AAK1: variants seen among roughly 807,000 people sequenced by gnomAD.
AAK1 encodes the protein AP2 associated kinase 1, also known as AP2-associated protein kinase 1.
A neutral mutation model predicts 116.0 loss-of-function variants in AAK1; 37 were observed. The observed-to-expected ratio is 0.32, with a 90% CI of 0.25 to 0.42. The LOEUF (loss-of-function observed/expected upper bound fraction) is 0.42. AAK1 is among the 10% of genes least tolerant of loss of function. The pLI is 1.00. For missense variants in AAK1, 919 were observed against 1,170.6 expected (o/e 0.79, Z 3.14); for synonymous variants, 458 against 439.9 (o/e 1.04, Z -0.51).
rs372686075 is a variant in AAK1, at chr2:69,468,035, T to A, written c.*7834A>T. On this transcript the variant is annotated 3_prime_UTR_variant, in exon 22 of 22. Coordinates refer to ENST00000409085, the MANE Select transcript of AAK1 (RefSeq NM_014911.5). ...TTTCTAACAGTTTGAATGCGTTCAGTGAATTCCAGATTGGGGCGTTAAGTT... is the reference window on the plus strand; with the variant it reads ...TTTCTAACAGTTTGAATGCGTTCAGAGAATTCCAGATTGGGGCGTTAAGTT... The A allele has an allele frequency of 4.0e-5, 39 of 985,470 alleles. 1 individual carries two copies. In the African/African-American group the frequency reaches 5.1e-4, roughly 13 times the overall value. The allele number at this position is 985,470 out of a possible 1,614,324, so 61.0% of individuals were successfully genotyped here.
intron 4 of AAK1, 115 bp downstream of exon 4, chr2:69,544,321 G>C: frequency 1.3e-6 from 1 of 756,110 alleles, no homozygotes; most frequent in Non-Finnish European, 2.2e-6. Context: ...TTTCTCATCT[G>C]TCAAACCAGA....
chr2:69,574,361 G>A (rs1672210693), intron 2 of AAK1, among the ~76,000 whole-genome samples: 1 of 122,574 alleles, frequency 8.2e-6, no homozygotes, highest in Non-Finnish European at 1.6e-5. Context: ...CTAGGTGACA[G>A]AGTAAGACTC....
chr2:69,473,477 T>G lies in AAK1; in HGVS notation c.*2392A>C, dbSNP rs1281643985. 4.1e-6 allele frequency: 4 copies of G among 985,338 alleles called. No individual in the cohort carries two copies. The East Asian group carries it at 3.4e-4, about 84-fold the overall frequency. 61.0% of individuals were successfully genotyped at this position (985,338 alleles called of 1,614,324 possible). A position where few individuals can be genotyped will look rare whatever the true frequency, so the allele number is the denominator to read the frequency against. On this transcript the variant is annotated 3_prime_UTR_variant, in exon 22 of 22. Coordinates refer to ENST00000409085, the MANE Select transcript of AAK1 (RefSeq NM_014911.5). ...TCTCCCCTTTGAGGAGGCCTTACTC[T>G]AAATAAGCCCAAGACAATTTCTTGT...
intron 2 of AAK1, among the ~76,000 whole-genome samples, chr2:69,610,452 T>C (rs1489220671): frequency 6.6e-6 from 1 of 152,218 alleles, no homozygotes; most frequent in Non-Finnish European, 1.5e-5. Flanking sequence ...CGATGACTTC[T>C]TGGATATGAT....
chr2:69,617,765 G>C (rs923137883), intron 2 of AAK1, among the ~76,000 whole-genome samples: 1 of 152,232 alleles, frequency 6.6e-6, no homozygotes, highest in Non-Finnish European at 1.5e-5. Context: ...AAGGGATAAA[G>C]TGAAGAGCTG....
At chr2:69,542,791 G>A in intron 4 of AAK1, 126 bp from the exon 5 acceptor site, 1 of 1,069,258 alleles carries the variant, frequency 9.4e-7, no homozygotes, top group Non-Finnish European at 1.3e-6. Flanking sequence ...ACCACTGACT[G>A]AGCCAGGATT....
At chr2:69,526,396 T>A (rs1670026692) in intron 9 of AAK1, among the ~76,000 whole-genome samples, 1 of 152,174 alleles carries the variant, frequency 6.6e-6, no homozygotes, top group South Asian at 2.1e-4. Flanking sequence ...GCAAGAACAT[T>A]TCAGATCAGA....
intron 2 of AAK1, among the ~76,000 whole-genome samples, chr2:69,589,663 C>T (rs963042743): frequency 7.5e-5 from 11 of 146,614 alleles, no homozygotes; most frequent in Non-Finnish European, 1.3e-4. Context: ...GAGCCGAGAT[C>T]GCGCCATTGT....
At chr2:69,578,194 A>G (rs908269982) in intron 2 of AAK1, among the ~76,000 whole-genome samples, 6 of 152,244 alleles carry the variant, frequency 3.9e-5, no homozygotes, top group Non-Finnish European at 8.8e-5. Flanking sequence ...CGATAGGGTT[A>G]CATTAGTAAG....
Position 69,474,197 on chromosome 2 carries a change from T to C in AAK1, c.*1672A>G. The C allele has an allele frequency of 1.0e-6, 1 of 985,778 alleles. No homozygotes were observed. The highest frequency in any genetic ancestry group is 1.2e-6 in the Non-Finnish European group (1 of 829,920). The allele number at this position is 985,778 out of a possible 1,614,324, so 61.1% of individuals were successfully genotyped here. A position where few individuals can be genotyped will look rare whatever the true frequency, so the allele number is the denominator to read the frequency against. On this transcript the variant is annotated 3_prime_UTR_variant, in exon 22 of 22. Coordinates refer to ENST00000409085, the MANE Select transcript of AAK1 (RefSeq NM_014911.5). The stretch of plus-strand genomic sequence containing the variant: ...GTTGCTGTTAAACTTTTTTCCCCCA[T>C]AAAGTGCAAATGTGAGGAAGAAGAA...
Position 69,643,022 on chromosome 2 carries a change from A to T in AAK1, c.19T>A (p.Ser7Thr), listed in dbSNP as rs1675814612. The T allele has an allele frequency of 6.2e-7, 1 of 1,605,302 alleles. No homozygotes were observed. Among genetic ancestry groups the T allele is most frequent in the Non-Finnish European group, 8.5e-7 (1 of 1,176,618 alleles). Residue 7 changes from serine (S) to threonine (T), a missense_variant, in exon 2 of 22, where the codon TCC becomes ACC. Physicochemically the swap from Ser to Thr is moderately conservative, Grantham distance 58. This residue lies in a region of AAK1 where 317 missense variants were observed against 490.4 expected (regional missense o/e 0.65). Coordinates refer to ENST00000409085, the MANE Select transcript of AAK1 (RefSeq NM_014911.5). ...CCAGAGCCGCCCTGCTCTCGCCGGG[A>T]GTCGAAAAACTTCTTCATCTTGCGA... MKKFFD[S>T]RREQGGSGLG... is the part of the protein sequence containing the mutation.
intron 6 of AAK1, 146 bp downstream of exon 6, chr2:69,531,895 A>G: frequency 7.2e-7 from 1 of 1,388,724 alleles, no homozygotes; most frequent in Non-Finnish European, 9.8e-7. Context: ...AAAGTCAAAC[A>G]ACCCAACTGT....
Position 69,507,554 on chromosome 2 carries a change from G to A in AAK1, c.2031C>T (p.Gly677=). 1 of 1,611,448 alleles carries A rather than the reference G, an allele frequency of 6.2e-7. No homozygotes were observed. The highest frequency in any genetic ancestry group is 2.2e-5 in the East Asian group (1 of 44,846). The change falls in exon 15 of 22, where the codon GGC becomes GGT. Residue 677 remains glycine, a synonymous_variant. Coordinates refer to ENST00000409085, the MANE Select transcript of AAK1 (RefSeq NM_014911.5). ...CGTTTTGTTGAGAGGTCCGAGGAGA[G>A]CCTGATGGAGTGGTGGTTGCAGACC... ...KSKSATTTPS[G]SPRTSQQNVY...
intron 16 of AAK1, among the ~76,000 whole-genome samples, chr2:69,497,387 C>T (rs2104938265): frequency 7.0e-6 from 1 of 142,840 alleles, no homozygotes; most frequent in East Asian, 2.2e-4. Context: ...ACTGCAAGCT[C>T]TGCCTCCCAG....
chr2:69,460,788 A>C lies in AAK1; in HGVS notation c.*15081T>G, dbSNP rs1412314400. The C allele has an allele frequency of 2.0e-5, 3 of 152,270 alleles. No homozygotes were observed. The highest frequency in any genetic ancestry group is 7.2e-5 in the African/African-American group (3 of 41,472). 9.4% of individuals were successfully genotyped at this position (152,270 alleles called of 1,614,324 possible). A position where few individuals can be genotyped will look rare whatever the true frequency, so the allele number is the denominator to read the frequency against. The stretch of plus-strand genomic sequence containing the variant: ...GAACTAAAGGGCTGTATGTGAGCCC[A>C]AGAAACTGATATATTAAATATTTTT... On this transcript the variant is annotated 3_prime_UTR_variant, in exon 22 of 22. Transcript: ENST00000409085.
intron 5 of AAK1, among the ~76,000 whole-genome samples, chr2:69,541,795 T>C (rs757048640): frequency 1.3e-5 from 2 of 152,154 alleles, no homozygotes; most frequent in Non-Finnish European, 2.9e-5. Context: ...TGATTCAAGT[T>C]ATTAGCTATG....
intron 2 of AAK1, chr2:69,599,058 C>G (rs563342761): frequency 4.5e-6 from 1 of 220,324 alleles, no homozygotes; most frequent in African/African-American, 2.4e-5. Context: ...TTACACTGAA[C>G]TGAAGCTCAT....
At position 69,598,680 on chromosome 2, in the gene AAK1, C is replaced by T. The variant is rs528142570; in HGVS notation, c.164-41702G>A. On this transcript the variant is annotated intron_variant, in intron 2 of 21. Transcript: ENST00000409085. ...GACTACAGGTGCACAACACCACACC[C>T]AGATAATTTTTTTATTTTTTGTAAA... 1.8e-4 allele frequency: 29 copies of T among 161,460 alleles called. No homozygotes were observed. In the South Asian group the frequency reaches 4.7e-3, roughly 26 times the overall value. The allele number at this position is 161,460 out of a possible 1,614,324, so 10.0% of individuals were successfully genotyped here. A position where few individuals can be genotyped will look rare whatever the true frequency, so the allele number is the denominator to read the frequency against.
intron 13 of AAK1, among the ~76,000 whole-genome samples, chr2:69,513,887 A>C (rs182092054): frequency 2.0e-4 from 30 of 152,342 alleles, no homozygotes; most frequent in Admixed American, 1.7e-3. Context: ...GCCAATATCT[A>C]AAAGTGGACA....
Sources: gnomAD v4.1 joint callset for allele counts (sites outside exome capture counted in the v4.1 genomes callset) on GRCh38, gnomAD v4.1.1 for gene constraint, gnomAD v4.1.1 regional missense constraint, MANE v1.5 for transcripts, NCBI Gene and HGNC (gene_info 2026-07-23, HGNC 2026-07-21) for gene names.